The following CTAGE1 variants were observed in gnomAD, a reference collection of about 807,000 sequenced individuals.
CTAGE1 encodes cTAGE family member 2.
For synonymous variants in CTAGE1, 332 were observed against 302.8 expected (o/e 1.10, Z -1.00); for missense variants, 963 against 855.9 (o/e 1.13, Z -1.56).
chr18:22,417,117 TTTTC>T lies in CTAGE1; in HGVS notation c.691_694del (p.Glu231IlefsTer6), dbSNP rs1568127878. On this transcript the variant is annotated frameshift_variant, in exon 1 of 1. Transcript: ENST00000391403. LOFTEE classifies it low-confidence loss of function (END_TRUNC). The stretch of plus-strand genomic sequence containing the variant: ...GCGTTCAGTCAGAGTCTTGATGTGA[TTTTC>T]TTTATCATTTAGAACTTGTTCTGCA... 1 of 1,613,888 alleles carries T rather than the reference TTTTC, an allele frequency of 6.2e-7. No homozygotes were observed. Among genetic ancestry groups the T allele is most frequent in the Non-Finnish European group, 8.5e-7 (1 of 1,179,828 alleles).
rs1479933700 is a variant in CTAGE1 at position 22,417,124 on chromosome 18, T to C, written c.688A>G (p.Lys230Glu). The change falls in exon 1 of 1, where the codon AAA (lysine) becomes GAA (glutamate). Residue 230 changes from lysine to glutamate, a missense_variant. Lys to Glu is a moderately conservative substitution (Grantham distance 56). Coordinates refer to ENST00000391403, the MANE Select transcript of CTAGE1 (RefSeq NM_172241.3). ...GTCAGAGTCTTGATGTGATTTTCTT[T>C]ATCATTTAGAACTTGTTCTGCATGT... ...KVHAEQVLNDKENHIKTLTER... is the reference protein window; with the variant it reads ...KVHAEQVLNDEENHIKTLTER... The C allele has an allele frequency of 1.2e-6, 2 of 1,613,818 alleles. No individual in the cohort carries two copies. Among genetic ancestry groups the C allele is most frequent in the Non-Finnish European group, 1.7e-6 (2 of 1,179,836 alleles).
rs2035017366 is a variant in CTAGE1, at chr18:22,416,524, G to C, written c.1288C>G (p.His430Asp). 1.9e-6 allele frequency: 3 copies of C among 1,613,310 alleles called. No homozygotes were observed. In the South Asian group the frequency reaches 3.3e-5, roughly 18 times the overall value. The change falls in exon 1 of 1, where the codon CAT becomes GAT. Residue 430 changes from histidine to aspartate, a missense_variant. Physicochemically the swap from His to Asp is moderately conservative, Grantham distance 81. Transcript: ENST00000391403. ...GTCCAAGCTGCCGACCAATTATCAT[G>C]TGCTTTTTTCTCATGGAGAATAATC... The part of the protein sequence containing the change: ...KKIILHEKKA[H>D]DNWSAAWTAE...
Position 22,415,348 on chromosome 18 carries a change from C to A in CTAGE1, c.*226G>T. On this transcript the variant is annotated 3_prime_UTR_variant, in exon 1 of 1. Coordinates refer to ENST00000391403, the MANE Select transcript of CTAGE1 (RefSeq NM_172241.3). ...TCATAAGATTCATATTTAAATCATC[C>A]TCATTTACAAAATACTATCCTGGGA... The A allele has an allele frequency of 1.1e-5, 5 of 463,856 alleles. No homozygotes were observed. The highest frequency in any genetic ancestry group is 1.5e-5 in the Non-Finnish European group (4 of 261,330). The allele number at this position is 463,856 out of a possible 1,614,324, so 28.7% of individuals were successfully genotyped here. A position where few individuals can be genotyped will look rare whatever the true frequency, so the allele number is the denominator to read the frequency against.
chr18:22,416,695 C>T lies in CTAGE1; in HGVS notation c.1117G>A (p.Glu373Lys). 6.2e-7 allele frequency: 1 copy of T among 1,613,686 alleles called. No individual in the cohort carries two copies. Among genetic ancestry groups the T allele is most frequent in the Non-Finnish European group, 8.5e-7 (1 of 1,179,894 alleles). The change falls in exon 1 of 1, where the codon GAG becomes AAG. Residue 373 changes from glutamate (E) to lysine (K), a missense_variant. Physicochemically the swap from Glu to Lys is moderately conservative, Grantham distance 56. Coordinates refer to ENST00000391403, the MANE Select transcript of CTAGE1 (RefSeq NM_172241.3). The part of the protein sequence containing the change: ...EMKLYRKLIV[E>K]EKCRLEKEEK... ...TCTTTCTCTAACCGGCATTTTTCCTCTACTATTAATTTCCTGTAGAGTTTC... is the reference window on the plus strand; with the variant it reads ...TCTTTCTCTAACCGGCATTTTTCCTTTACTATTAATTTCCTGTAGAGTTTC...
At position 22,416,284 on chromosome 18, in the gene CTAGE1, A is replaced by G; in HGVS notation, c.1528T>C (p.Leu510=). The G allele has an allele frequency of 1.2e-6, 2 of 1,613,978 alleles. No individual in the cohort carries two copies. The highest frequency in any genetic ancestry group is 1.7e-6 in the Non-Finnish European group (2 of 1,179,856). Residue 510 remains leucine (L), a synonymous_variant, in exon 1 of 1, where the codon TTG becomes CTG. Coordinates refer to ENST00000391403, the MANE Select transcript of CTAGE1 (RefSeq NM_172241.3). The part of the protein sequence containing the change: ...TRASLYPPTL[L]EGPLRLSPLL... ...GGTGAGAGTCTGAGAGGACCTTCCA[A>G]CAAAGTTGGAGGATAGAGAGAAGCT...
Position 22,417,510 on chromosome 18 carries a change from C to T in CTAGE1, c.302G>A (p.Cys101Tyr). The T allele has an allele frequency of 6.2e-7, 1 of 1,613,998 alleles. No individual in the cohort carries two copies. The highest frequency in any genetic ancestry group is 8.5e-7 in the Non-Finnish European group (1 of 1,179,870). Residue 101 changes from cysteine to tyrosine, a missense_variant, in exon 1 of 1, where the codon TGC becomes TAC. Coordinates refer to ENST00000391403, the MANE Select transcript of CTAGE1 (RefSeq NM_172241.3). ...ATEAQSLEATCEKLNRFNSEL... is the reference protein window; with the variant it reads ...ATEAQSLEATYEKLNRFNSEL... ...AGAATTGAACCTGTTCAGCTTTTCG[C>T]AGGTTGCCTCCAAACTTTGTGCTTC...
rs1297599832 is a variant in CTAGE1, at chr18:22,416,471, C to T, written c.1341G>A (p.Arg447=). The change falls in exon 1 of 1, where the codon AGG becomes AGA. Residue 447 remains arginine, a synonymous_variant. Transcript: ENST00000391403. ...WTAERNLNDL[R]KENAHNRQKL... ...TTTGTCTGTTGTGAGCATTTTCTTT[C>T]CTTAAATCATTGAGGTTTCTTTCAG... 1 of 1,614,058 alleles carries T rather than the reference C, an allele frequency of 6.2e-7. No individual in the cohort carries two copies.
At position 22,416,540 on chromosome 18, in the gene CTAGE1, G is replaced by T; in HGVS notation, c.1272C>A (p.Leu424=). The change falls in exon 1 of 1, where the codon CTC becomes CTA. Residue 424 remains leucine (L), a synonymous_variant. Transcript: ENST00000391403. The part of the protein sequence containing the change: ...TIHFYQKKII[L]HEKKAHDNWS... ...AATTATCATGTGCTTTTTTCTCATG[G>T]AGAATAATCTTCTTTTGATAAAAAT... is the stretch of plus-strand genomic sequence containing the variant. The T allele has an allele frequency of 1.2e-6, 2 of 1,611,756 alleles. No individual in the cohort carries two copies. The highest frequency in any genetic ancestry group is 1.7e-4 in the Middle Eastern group (1 of 6,054).
In CTAGE1 at chr18:22,414,873, G is replaced by A; in HGVS notation, c.*701C>T. The A allele has an allele frequency of 1.4e-6, 1 of 690,400 alleles. No individual in the cohort carries two copies. The highest frequency in any genetic ancestry group is 2.6e-6 in the Non-Finnish European group (1 of 381,102). The allele number at this position is 690,400 out of a possible 1,614,324, so 42.8% of individuals were successfully genotyped here. The stretch of plus-strand genomic sequence containing the variant: ...CAAACATAGGAAGAAATTAGCTTAG[G>A]GAAGACGAAGGGAAGGAAAGGGAGG... On this transcript the variant is annotated 3_prime_UTR_variant, in exon 1 of 1. Coordinates refer to ENST00000391403, the MANE Select transcript of CTAGE1 (RefSeq NM_172241.3).
Position 22,413,859 on chromosome 18 carries a change from T to A in CTAGE1, c.*1715A>T, listed in dbSNP as rs2034978273. On this transcript the variant is annotated 3_prime_UTR_variant, in exon 1 of 1. Coordinates refer to ENST00000391403, the MANE Select transcript of CTAGE1 (RefSeq NM_172241.3). ...TAATGAAATGAAGTGAACAATAAAT[T>A]AATAAATAAAGCCAAAAATGATTTA... The A allele has an allele frequency of 6.6e-6, 1 of 152,138 alleles. No homozygotes were observed. Among genetic ancestry groups the A allele is most frequent in the African/African-American group, 2.4e-5 (1 of 41,426 alleles). The allele number at this position is 152,138 out of a possible 1,614,324, so 9.4% of individuals were successfully genotyped here.
At position 22,417,136 on chromosome 18, in the gene CTAGE1, C is replaced by G; in HGVS notation, c.676G>C (p.Val226Leu). 6.2e-7 allele frequency: 1 copy of G among 1,613,888 alleles called. No individual in the cohort carries two copies. Among genetic ancestry groups the G allele is most frequent in the Non-Finnish European group, 8.5e-7 (1 of 1,179,822 alleles). ...FEDSKVHAEQ[V>L]LNDKENHIKT... Reference sequence around the variant, plus strand: ...ATGTGATTTTCTTTATCATTTAGAACTTGTTCTGCATGTACTTTGGAGTCT... The same window carrying G: ...ATGTGATTTTCTTTATCATTTAGAAGTTGTTCTGCATGTACTTTGGAGTCT... The change falls in exon 1 of 1, where the codon GTT (valine) becomes CTT (leucine). Residue 226 changes from valine (V) to leucine (L), a missense_variant. Coordinates refer to ENST00000391403, the MANE Select transcript of CTAGE1 (RefSeq NM_172241.3).
At position 22,415,953 on chromosome 18, in the gene CTAGE1, A is replaced by C. The variant is rs771104899; in HGVS notation, c.1859T>G (p.Met620Arg). 5 of 1,613,968 alleles carry C rather than the reference A, an allele frequency of 3.1e-6. No homozygotes were observed. In the South Asian group the frequency reaches 3.3e-5, roughly 11 times the overall value. ...RSFNMPSLDK[M>R]DGSMPSEMES... ...CATTTCTGAAGGCATTGACCCATCC[A>C]TTTTATCCAAAGAAGGCATATTAAA... Residue 620 changes from methionine (M) to arginine (R), a missense_variant, in exon 1 of 1, where the codon ATG (methionine) becomes AGG (arginine). Physicochemically the swap from Met to Arg is moderately conservative, Grantham distance 91 (BLOSUM62 -1). Coordinates refer to ENST00000391403, the MANE Select transcript of CTAGE1 (RefSeq NM_172241.3).
In CTAGE1 at chr18:22,415,686, A is replaced by G. The variant is rs1304850332; in HGVS notation, c.2126T>C (p.Val709Ala). The change falls in exon 1 of 1, where the codon GTC becomes GCC. Residue 709 changes from valine to alanine, a missense_variant. Coordinates refer to ENST00000391403, the MANE Select transcript of CTAGE1 (RefSeq NM_172241.3). ...ASPDYFSPRDVPGPPRAPFAM... is the reference protein window; with the variant it reads ...ASPDYFSPRDAPGPPRAPFAM... ...AAATGGAGCACGTGGTGGACCTGGG[A>G]CATCCCTTGGAGAAAAATAATCTGG... 2 of 1,614,040 alleles carry G rather than the reference A, an allele frequency of 1.2e-6. No individual in the cohort carries two copies. The highest frequency in any genetic ancestry group is 1.3e-5 in the African/African-American group (1 of 74,906).
chr18:22,417,557 G>A lies in CTAGE1; in HGVS notation c.255C>T (p.Ala85=), dbSNP rs1428707348. ...GYEVESSLKN[A]SFEKEATEAQ... ...CTTCTGTTGCCTCCTTCTCAAAGCTGGCATTCTTTAAAGATGACTCTACTT... is the reference window on the plus strand; with the variant it reads ...CTTCTGTTGCCTCCTTCTCAAAGCTAGCATTCTTTAAAGATGACTCTACTT... Residue 85 remains alanine, a synonymous_variant, in exon 1 of 1, where the codon GCC becomes GCT. Coordinates refer to ENST00000391403, the MANE Select transcript of CTAGE1 (RefSeq NM_172241.3). The A allele has an allele frequency of 1.9e-6, 3 of 1,613,814 alleles. No homozygotes were observed. Among genetic ancestry groups the A allele is most frequent in the Non-Finnish European group, 2.5e-6 (3 of 1,179,876 alleles).
At position 22,416,603 on chromosome 18, in the gene CTAGE1, C is replaced by G; in HGVS notation, c.1209G>C (p.Lys403Asn). Reference sequence around the variant, plus strand: ...CAAATTCTTTAAGATCTTTGGCTCGCTTTCGGTAGGTCTCCAGCTCTTCAG... The same window carrying G: ...CAAATTCTTTAAGATCTTTGGCTCGGTTTCGGTAGGTCTCCAGCTCTTCAG... ...HATEELETYR[K>N]RAKDLKEFEK... The change falls in exon 1 of 1, where the codon AAG (lysine) becomes AAC (asparagine). Residue 403 changes from lysine (K) to asparagine (N), a missense_variant. Coordinates refer to ENST00000391403, the MANE Select transcript of CTAGE1 (RefSeq NM_172241.3). 6.2e-7 allele frequency: 1 copy of G among 1,611,138 alleles called. No homozygotes were observed. The highest frequency in any genetic ancestry group is 8.5e-7 in the Non-Finnish European group (1 of 1,179,490).
chr18:22,416,592 T>C lies in CTAGE1; in HGVS notation c.1220A>G (p.Asp407Gly), dbSNP rs1413238038. The change falls in exon 1 of 1, where the codon GAT becomes GGT. Residue 407 changes from aspartate (D) to glycine (G), a missense_variant. Asp to Gly is a moderately conservative substitution (Grantham distance 94). Transcript: ENST00000391403. ...ELETYRKRAK[D>G]LKEFEKTIHF... The stretch of plus-strand genomic sequence containing the variant: ...AATAGTTTTCTCAAATTCTTTAAGA[T>C]CTTTGGCTCGCTTTCGGTAGGTCTC... 1 of 1,610,608 alleles carries C rather than the reference T, an allele frequency of 6.2e-7. No individual in the cohort carries two copies. The highest frequency in any genetic ancestry group is 8.5e-7 in the Non-Finnish European group (1 of 1,179,376).
Position 22,417,037 on chromosome 18 carries a change from C to A in CTAGE1, c.775G>T (p.Asp259Tyr), listed in dbSNP as rs749509447. 6.2e-7 allele frequency: 1 copy of A among 1,613,930 alleles called. No homozygotes were observed. Among genetic ancestry groups the A allele is most frequent in the Non-Finnish European group, 8.5e-7 (1 of 1,179,816 alleles). Residue 259 changes from aspartate to tyrosine, a missense_variant, in exon 1 of 1, where the codon GAT becomes TAT. By Grantham distance (160) the Asp-to-Tyr change is radical. Coordinates refer to ENST00000391403, the MANE Select transcript of CTAGE1 (RefSeq NM_172241.3). The part of the protein sequence containing the change: ...AMLEEDVTDD[D>Y]NLELEMNSES... ...CTGTTCATTTCTAATTCCAAGTTAT[C>A]ATCATCCGTTACATCTTCTTCAAGC...
rs189091395 is a variant in CTAGE1 at position 22,416,038 on chromosome 18, T to A, written c.1774A>T (p.Arg592Trp). The A allele has an allele frequency of 5.1e-4, 816 of 1,613,998 alleles. 2 individuals carry two copies. The African/African-American group carries it at 8.8e-3, about 17-fold the overall frequency. The change falls in exon 1 of 1, where the codon AGG becomes TGG. Residue 592 changes from arginine (R) to tryptophan (W), a missense_variant. By Grantham distance (101) the Arg-to-Trp change is moderately radical (BLOSUM62 -3). Transcript: ENST00000391403. ...CAATTAGAATAAAATCTGTCTTGCC[T>A]TTGTGGAGGGAGAGCTGAATCAGGA... ...SYPDSALPPQ[R>W]QDRFYSNCAR... is the part of the protein sequence containing the mutation.
rs2034984783 is a variant in CTAGE1, at chr18:22,414,457, A to G, written c.*1117T>C. ...CATGTGAGCTAGGATGCTTTTTAAA[A>G]GTGAGGGCAGGTTGTCCCCAAAAGA... On this transcript the variant is annotated 3_prime_UTR_variant, in exon 1 of 1. Transcript: ENST00000391403. 8 of 560,344 alleles carry G rather than the reference A, an allele frequency of 1.4e-5. No homozygotes were observed. Among genetic ancestry groups the G allele is most frequent in the Non-Finnish European group, 2.5e-5 (8 of 318,004 alleles). 34.7% of individuals were successfully genotyped at this position (560,344 alleles called of 1,614,324 possible). A position where few individuals can be genotyped will look rare whatever the true frequency, so the allele number is the denominator to read the frequency against.
Sources: gnomAD v4.1 joint callset for allele counts on GRCh38, gnomAD v4.1.1 for gene constraint, MANE v1.5 for transcripts, NCBI Gene and HGNC (gene_info 2026-07-23, HGNC 2026-07-21) for gene names.